HEY2: variants seen among roughly 807,000 people sequenced by gnomAD.
HEY2 encodes hes related family bHLH transcription factor with YRPW motif 2, also known as hairy/enhancer-of-split related with YRPW motif protein 2.
In HEY2, 10 loss-of-function variants were observed where a neutral mutation model predicts 18.1. That is an observed-to-expected ratio of 0.55 (90% CI 0.34 to 0.94). The LOEUF (loss-of-function observed/expected upper bound fraction) is 0.94, where lower values mean the gene tolerates loss of function less well. Among genes scored for constraint, HEY2 ranks in the 40% least tolerant of loss-of-function variants. HEY2 has a pLI of 0.02. For synonymous variants in HEY2, 210 were observed against 182.7 expected, an observed-to-expected ratio of 1.15 and a Z score of -1.21; for missense variants, 455 against 455.9, an observed-to-expected ratio of 1.00 and a Z score of 0.02.
In HEY2 at chr6:125,759,945, G is replaced by C. The variant is rs539861333; in HGVS notation, c.*143G>C. The C allele has an allele frequency of 4.3e-6, 3 of 696,844 alleles. No homozygotes were observed. In the South Asian group the frequency reaches 5.8e-5, roughly 13 times the overall value. 43.2% of individuals were successfully genotyped at this position (696,844 alleles called of 1,614,324 possible). A position where few individuals can be genotyped will look rare whatever the true frequency, so the allele number is the denominator to read the frequency against. On this transcript the variant is annotated 3_prime_UTR_variant, in exon 5 of 5. Coordinates refer to ENST00000368364, the MANE Select transcript of HEY2 (RefSeq NM_012259.3). ...AAGCTATTTGAGACACAAACCTCAC[G>C]AGTGGAAATGTGGTATTCTCTTTTT...
intron 4 of HEY2, among the ~76,000 whole-genome samples, chr6:125,756,136 G>T (rs1278441845): frequency 6.6e-6 from 1 of 152,240 alleles, no homozygotes; most frequent in Non-Finnish European, 1.5e-5. Context: ...CATCTTGGTT[G>T]CTATTCTTGG....
chr6:125,750,303 C>T (rs1302852675), intron 1 of HEY2: 1 of 985,230 alleles, frequency 1.0e-6, no homozygotes, highest in African/African-American at 1.7e-5. Flanking sequence ...ATTAAAGCAA[C>T]CTGCGATGTC....
At position 125,759,889 on chromosome 6, in the gene HEY2, C is replaced by A; in HGVS notation, c.*87C>A. On this transcript the variant is annotated 3_prime_UTR_variant, in exon 5 of 5. Transcript: ENST00000368364. ...CCTCTGCACCCTGAAGGTAGCCATA[C>A]AGATGCCGACAGATCCACAAAGGAA... is the stretch of plus-strand genomic sequence containing the variant. 1.0e-6 allele frequency: 1 copy of A among 966,486 alleles called. No individual in the cohort carries two copies. Among genetic ancestry groups the A allele is most frequent in the African/African-American group, 1.6e-5 (1 of 61,016 alleles). 59.9% of individuals were successfully genotyped at this position (966,486 alleles called of 1,614,324 possible).
At position 125,759,671 on chromosome 6, in the gene HEY2, G is replaced by C; in HGVS notation, c.883G>C (p.Ala295Pro). 1 of 1,612,272 alleles carries C rather than the reference G, an allele frequency of 6.2e-7. No individual in the cohort carries two copies. The highest frequency in any genetic ancestry group is 8.5e-7 in the Non-Finnish European group (1 of 1,180,010). The change falls in exon 5 of 5, where the codon GCA (alanine) becomes CCA (proline). Residue 295 changes from alanine to proline, a missense_variant. Coordinates refer to ENST00000368364, the MANE Select transcript of HEY2 (RefSeq NM_012259.3). ...AFPMLPPNAA[A>P]AVAAATAISP... Reference sequence around the variant, plus strand: ...CCCCATGCTTCCCCCAAACGCAGCAGCAGCAGTGGCCGCGGCCACAGCCAT... The same window carrying C: ...CCCCATGCTTCCCCCAAACGCAGCACCAGCAGTGGCCGCGGCCACAGCCAT...
Position 125,754,554 on chromosome 6 carries a change from G to C in HEY2, c.328+8G>C. 1 of 1,460,840 alleles carries C rather than the reference G, an allele frequency of 6.8e-7. No individual in the cohort carries two copies. The highest frequency in any genetic ancestry group is 9.3e-7 in the Non-Finnish European group (1 of 1,072,694). 90.5% of individuals were successfully genotyped at this position (1,460,840 alleles called of 1,614,324 possible). ...AGGCAACAGGGGGTAAAGGTAAGTA[G>C]ATGACTTCATTTTTTTTTTTTTTTG... On this transcript the variant is annotated splice_region_variant and intron_variant, in intron 4 of 4. Transcript: ENST00000368364.
At chr6:125,756,354 G>GGTCC (rs1246849411) in intron 4 of HEY2, among the ~76,000 whole-genome samples, 1 of 151,966 alleles carries the variant, frequency 6.6e-6, no homozygotes, top group African/African-American at 2.4e-5. Context: ...GATCACCTGA[G>GGTCC]GTCCAGAGTT....
At chr6:125,754,958 T>C (rs1478742010) in intron 4 of HEY2, among the ~76,000 whole-genome samples, 2 of 152,178 alleles carry the variant, frequency 1.3e-5, no homozygotes, top group African/African-American at 4.8e-5. Flanking sequence ...TCCTACTCCT[T>C]CTCCTCCTCT....
In HEY2 at chr6:125,759,973, T is replaced by C. The variant is rs1359846349; in HGVS notation, c.*171T>C. ...TGGAAATGTGGTATTCTCTTTTTTT[T>C]CTCTCCCTTTTTTGTTTGGTTCAAG... is the stretch of plus-strand genomic sequence containing the variant. On this transcript the variant is annotated 3_prime_UTR_variant, in exon 5 of 5. Transcript: ENST00000368364. 9.3e-6 allele frequency: 6 copies of C among 647,978 alleles called. No individual in the cohort carries two copies. The highest frequency in any genetic ancestry group is 1.3e-5 in the Non-Finnish European group (5 of 383,570). 40.1% of individuals were successfully genotyped at this position (647,978 alleles called of 1,614,324 possible). A position where few individuals can be genotyped will look rare whatever the true frequency, so the allele number is the denominator to read the frequency against.
At chr6:125,753,962 TTAG>T (rs769477963) in intron 3 of HEY2, among the ~76,000 whole-genome samples, 28 of 152,330 alleles carry the variant, frequency 1.8e-4, no homozygotes, top group Non-Finnish European at 2.6e-4. Flanking sequence ...ATTTCAGGAC[TTAG>T]TAGGCCTGTG....
chr6:125,756,459 C>T (rs1773658775), intron 4 of HEY2, among the ~76,000 whole-genome samples: 1 of 152,108 alleles, frequency 6.6e-6, no homozygotes, highest in Non-Finnish European at 1.5e-5. Context: ...CCCAGCTACT[C>T]AGGAGGCTGA....
Position 125,760,840 on chromosome 6 carries a change from G to GA in HEY2, c.*1042dup, listed in dbSNP as rs1773787672. ...AAGCAAGGAGGGAGCACTAGGAAGAGAAAAGCTACAATTTTTAAAGCTCTT... is the reference window on the plus strand; with the variant it reads ...AAGCAAGGAGGGAGCACTAGGAAGAGAAAAAGCTACAATTTTTAAAGCTCTT... On this transcript the variant is annotated 3_prime_UTR_variant, in exon 5 of 5. Coordinates refer to ENST00000368364, the MANE Select transcript of HEY2 (RefSeq NM_012259.3). The GA allele has an allele frequency of 1.3e-5, 2 of 152,650 alleles. No individual in the cohort carries two copies. The highest frequency in any genetic ancestry group is 2.9e-5 in the Non-Finnish European group (2 of 68,036). 9.5% of individuals were successfully genotyped at this position (152,650 alleles called of 1,614,324 possible).
chr6:125,759,263 A>G lies in HEY2; in HGVS notation c.475A>G (p.Thr159Ala), dbSNP rs1773732839. Residue 159 changes from threonine to alanine, a missense_variant, in exon 5 of 5, where the codon ACT (threonine) becomes GCT (alanine). Physicochemically the swap from Thr to Ala is moderately conservative, Grantham distance 58. Coordinates refer to ENST00000368364, the MANE Select transcript of HEY2 (RefSeq NM_012259.3). ...LRVRLVSHLS[T>A]CATQREAAAM... ...GGTGCGGCTTGTGTCTCATCTCAGC[A>G]CTTGCGCCACCCAGCGGGAGGCGGC... The G allele has an allele frequency of 6.2e-7, 1 of 1,608,300 alleles. No homozygotes were observed. Among genetic ancestry groups the G allele is most frequent in the Non-Finnish European group, 8.5e-7 (1 of 1,179,964 alleles).
chr6:125,751,350 C>T (rs1340299785), intron 1 of HEY2, among the ~76,000 whole-genome samples: 1 of 152,152 alleles, frequency 6.6e-6, no homozygotes, highest in Non-Finnish European at 1.5e-5. Flanking sequence ...TGACGTATGA[C>T]GACTGCACAT....
chr6:125,753,101 A>G (rs1773584700), intron 3 of HEY2, among the ~76,000 whole-genome samples: 1 of 152,248 alleles, frequency 6.6e-6, no homozygotes, highest in Admixed American at 6.5e-5. Flanking sequence ...TTTTAAGACA[A>G]AAAGCACACC....
At chr6:125,754,673 C>A in intron 4 of HEY2, 127 bp downstream of exon 4, 1 of 458,418 alleles carries the variant, frequency 2.2e-6, no homozygotes, top group East Asian at 3.4e-5. Context: ...TAGGAGGCCC[C>A]AGATTAAAGC....
rs1773545241 is a variant in HEY2, at chr6:125,751,674, A to G, written c.84-127A>G. The G allele has an allele frequency of 1.5e-5, 9 of 603,854 alleles. No homozygotes were observed. The South Asian group carries it at 2.6e-4, about 17-fold the overall frequency. The allele number at this position is 603,854 out of a possible 1,614,324, so 37.4% of individuals were successfully genotyped here. On this transcript the variant is annotated intron_variant, in intron 1 of 4. Coordinates refer to ENST00000368364, the MANE Select transcript of HEY2 (RefSeq NM_012259.3). ...AAAGTCCGTTAAGAGTGAAACAAGA[A>G]CTAAGAATAAAATAACACAGACTTG...
At chr6:125,757,800 AT>A (rs1053917223) in intron 4 of HEY2, among the ~76,000 whole-genome samples, 11 of 152,160 alleles carry the variant, frequency 7.2e-5, no homozygotes, top group African/African-American at 2.4e-4. Flanking sequence ...AATCACACAG[AT>A]TAGCCAAGTG....
intron 1 of HEY2, chr6:125,750,167 G>T: frequency 1.2e-6 from 1 of 822,760 alleles, no homozygotes; most frequent in Non-Finnish European, 1.5e-6. Flanking sequence ...GCGTCTGGGC[G>T]ACAGGCGATG....
intron 2 of HEY2, 53 bp from the exon 3 acceptor site, chr6:125,751,954 A>G: frequency 6.3e-7 from 1 of 1,588,874 alleles, no homozygotes; most frequent in South Asian, 1.1e-5. Context: ...TCATTTGAGT[A>G]ATTTTATCAT....
Sources: gnomAD v4.1 joint callset for allele counts (sites outside exome capture counted in the v4.1 genomes callset) on GRCh38, gnomAD v4.1.1 for gene constraint, MANE v1.5 for transcripts, NCBI Gene and HGNC (gene_info 2026-07-23, HGNC 2026-07-21) for gene names.